Variants in PRKCA observed in about 807,000 individuals in gnomAD.
PRKCA encodes the protein protein kinase C alpha type.
PRKCA carries 27 observed loss-of-function variants against 87.0 expected under a neutral mutation model. The ratio of observed to expected loss-of-function variants is 0.31; its 90% CI spans 0.23 to 0.43. The LOEUF is 0.43. Ranked by LOEUF, PRKCA falls within the 20% of genes least tolerant of loss-of-function variation. PRKCA has a pLI of 1.00. For synonymous variants in PRKCA, 329 were observed against 311.1 expected (o/e 1.06, Z -0.61); for missense variants, 518 against 852.3 (o/e 0.61, Z 4.88).
intron 8 of PRKCA, among the ~76,000 whole-genome samples, chr17:66,724,975 G>C (rs1285753349): frequency 1.3e-5 from 2 of 152,170 alleles, no homozygotes; most frequent in Non-Finnish European, 2.9e-5. Context: ...TGTTGCTCTT[G>C]AGCCAGAGAT....
At chr17:66,479,332 A>G (rs1233196724) in intron 2 of PRKCA, among the ~76,000 whole-genome samples, 1 of 152,212 alleles carries the variant, frequency 6.6e-6, no homozygotes, top group Non-Finnish European at 1.5e-5. Flanking sequence ...CAGAATAGCT[A>G]TTACTAAAAA....
intron 3 of PRKCA, among the ~76,000 whole-genome samples, chr17:66,531,588 T>C (rs891354698): frequency 6.6e-6 from 1 of 152,120 alleles, no homozygotes; most frequent in East Asian, 1.9e-4. Flanking sequence ...CTCCCTGGAG[T>C]CTTATTTTTA....
At chr17:66,303,837 C>T (rs569974614) in intron 1 of PRKCA, among the ~76,000 whole-genome samples, 1 of 152,088 alleles carries the variant, frequency 6.6e-6, no homozygotes, top group East Asian at 1.9e-4. Context: ...ACCCCGTCTA[C>T]TAAAAATACA....
intron 2 of PRKCA, among the ~76,000 whole-genome samples, chr17:66,445,811 C>CTTT (rs966482247): frequency 6.8e-6 from 1 of 146,412 alleles, no homozygotes; most frequent in Non-Finnish European, 1.5e-5. Context: ...TTTTTTTCTT[C>CTTT]TTTTTTTTCT....
At chr17:66,670,046 T>C (rs544260659) in intron 5 of PRKCA, among the ~76,000 whole-genome samples, 5 of 152,190 alleles carry the variant, frequency 3.3e-5, no homozygotes, top group Admixed American at 3.3e-4. Context: ...TTTTAAGAGA[T>C]AAGAAAACAT....
intron 3 of PRKCA, among the ~76,000 whole-genome samples, chr17:66,617,577 C>T (rs937411328): frequency 3.3e-5 from 5 of 152,154 alleles, no homozygotes; most frequent in African/African-American, 1.2e-4. Flanking sequence ...GCAGGTAGAT[C>T]TGCCTCCACC....
At chr17:66,397,496 A>T (rs944860582) in intron 2 of PRKCA, among the ~76,000 whole-genome samples, 2 of 152,046 alleles carry the variant, frequency 1.3e-5, no homozygotes, top group African/African-American at 4.8e-5. Flanking sequence ...TATATCTTTA[A>T]AAACGTTTTC....
chr17:66,659,985 T>G (rs1391293673), intron 5 of PRKCA, among the ~76,000 whole-genome samples: 2 of 152,134 alleles, frequency 1.3e-5, no homozygotes, highest in Non-Finnish European at 2.9e-5. Context: ...GGGGGCCACA[T>G]GTTGGTTTGA....
At chr17:66,412,024 TGAATG>T (rs1911841885) in intron 2 of PRKCA, among the ~76,000 whole-genome samples, 1 of 148,944 alleles carries the variant, frequency 6.7e-6, no homozygotes, top group Admixed American at 6.7e-5. Context: ...TTTTGAGTAA[TGAATG>T]GAACTAGCCA....
chr17:66,544,031 G>A (rs1322147985), intron 3 of PRKCA, among the ~76,000 whole-genome samples: 1 of 152,150 alleles, frequency 6.6e-6, no homozygotes, highest in Non-Finnish European at 1.5e-5. Flanking sequence ...GGCCGACTTG[G>A]TGAAACCCTG....
At chr17:66,765,169 T>C (rs577007872) in intron 13 of PRKCA, among the ~76,000 whole-genome samples, 56 of 152,010 alleles carry the variant, frequency 3.7e-4, no homozygotes, top group African/African-American at 1.3e-3. Flanking sequence ...ATCCCAGCGC[T>C]TTGGGAGGCC....
rs771633891 is a variant in PRKCA, at chr17:66,742,644, A to T, written c.1408A>T (p.Met470Leu). 69 of 1,614,144 alleles carry T rather than the reference A, an allele frequency of 4.3e-5. No homozygotes were observed. The South Asian group carries it at 7.5e-4, about 17-fold the overall frequency. The change falls in exon 13 of 17, where the codon ATG (methionine) becomes TTG (leucine). Residue 470 changes from methionine to leucine, a missense_variant. Transcript: ENST00000413366. Reference sequence around the variant, plus strand: ...CAGGGATCTGAAGTTAGATAACGTCATGTTGGATTCAGAAGGACATATCAA... The same window carrying T: ...CAGGGATCTGAAGTTAGATAACGTCTTGTTGGATTCAGAAGGACATATCAA... The part of the protein sequence containing the change: ...IYRDLKLDNV[M>L]LDSEGHIKIA...
chr17:66,538,815 G>A lies in PRKCA; in HGVS notation c.288+42532G>A, dbSNP rs1315562258. Among the ~76,000 whole-genome samples the A allele has an allele frequency of 2.6e-5, 4 of 152,316 alleles. No individual in the cohort carries two copies. The East Asian group carries it at 7.7e-4, about 29-fold the overall frequency. The stretch of plus-strand genomic sequence containing the variant: ...ACAGAATTCTGCTCTTAGCCAGAAA[G>A]CATTCCAGTTAGCAAACTACCTGAC... On this transcript the variant is annotated intron_variant, in intron 3 of 16. Coordinates refer to ENST00000413366, the MANE Select transcript of PRKCA (RefSeq NM_002737.3).
At chr17:66,523,707 G>A (rs1210917339) in intron 3 of PRKCA, among the ~76,000 whole-genome samples, 2 of 152,154 alleles carry the variant, frequency 1.3e-5, no homozygotes, top group East Asian at 3.9e-4. Context: ...TCCGGCAGGA[G>A]GAGGGGACAT....
rs767868334 is a variant in PRKCA, at chr17:66,362,613, T to TCTTA, written c.205+56488_205+56491dup. ...GGAGATAACAGGTGAAGTCTGTTGA[T>TCTTA]CTTACCTGATGGGGAAATGTATTTT... On this transcript the variant is annotated intron_variant, in intron 2 of 16. Transcript: ENST00000413366. Among the ~76,000 whole-genome samples, 298 of 152,142 alleles carry TCTTA rather than the reference T, an allele frequency of 2.0e-3. 1 individual carries two copies. The highest frequency in any genetic ancestry group is 3.0e-3 in the Non-Finnish European group (204 of 68,014).
At chr17:66,318,210 A>G (rs570831729) in intron 2 of PRKCA, among the ~76,000 whole-genome samples, 1 of 152,348 alleles carries the variant, frequency 6.6e-6, no homozygotes, top group South Asian at 2.1e-4. Flanking sequence ...TGGCACATTA[A>G]TATGGAAAAC....
chr17:66,757,571 G>GAAAAAA (rs35540620), intron 13 of PRKCA, among the ~76,000 whole-genome samples: 1 of 116,992 alleles, frequency 8.5e-6, no homozygotes. Context: ...GCTTTGGGAG[G>GAAAAAA]AAAAAAAAAA....
chr17:66,341,047 C>T (rs1907014121), intron 2 of PRKCA, among the ~76,000 whole-genome samples: 1 of 152,110 alleles, frequency 6.6e-6, no homozygotes, highest in South Asian at 2.1e-4. Context: ...TTGCATGGGT[C>T]TTCTCATTCT....
intron 5 of PRKCA, among the ~76,000 whole-genome samples, chr17:66,653,791 T>TAAAAAAAAA (rs550316151): frequency 2.0e-5 from 2 of 102,506 alleles, no homozygotes; most frequent in African/African-American, 3.4e-5. Flanking sequence ...TTCCAGCTCT[T>TAAAAAAAAA]AAAAAAAAAA....
Sources: allele counts gnomAD v4.1 joint callset (sites outside exome capture counted in the v4.1 genomes callset), GRCh38; gene constraint gnomAD v4.1.1; transcripts MANE v1.5; gene names NCBI Gene and HGNC (gene_info 2026-07-23, HGNC 2026-07-21).